NFKB1: variants seen among roughly 807,000 people sequenced by gnomAD.
NFKB1 encodes nuclear factor NF-kappa-B p105 subunit.
Under a neutral mutation model 105.1 loss-of-function variants are expected in NFKB1, and 9 were observed. The observed-to-expected ratio is 0.09, with a 90% CI of 0.05 to 0.15. NFKB1 has a LOEUF of 0.15. Among genes scored for constraint, NFKB1 ranks in the 10% least tolerant of loss-of-function variants. NFKB1 has a pLI of 1.00. For missense variants in NFKB1, 830 were observed against 1,203.7 expected (o/e 0.69, Z 4.59); for synonymous variants, 440 against 442.2 (o/e 1.00, Z 0.06).
At chr4:102,581,553 C>T (rs1201176083) in intron 9 of NFKB1, among the ~76,000 whole-genome samples, 1 of 152,032 alleles carries the variant, frequency 6.6e-6, no homozygotes. Context: ...CTTTGGGAGG[C>T]TGAGGTGGGA....
intron 17 of NFKB1, 52 bp from the exon 18 acceptor site, chr4:102,607,098 T>C: frequency 6.4e-7 from 1 of 1,562,854 alleles, no homozygotes; most frequent in Non-Finnish European, 8.8e-7. Context: ...ACAAGGGCCA[T>C]CTTGTGAGTT....
intron 5 of NFKB1, among the ~76,000 whole-genome samples, chr4:102,549,733 C>T (rs921565439): frequency 1.3e-5 from 2 of 152,076 alleles, no homozygotes; most frequent in South Asian, 2.1e-4. Context: ...TTCCCCTTTC[C>T]GGAATGTGGT....
At chr4:102,607,125 G>T in intron 17 of NFKB1, 25 bp from the exon 18 acceptor site, 2 of 1,613,724 alleles carry the variant, frequency 1.2e-6, no homozygotes, top group South Asian at 2.2e-5. Flanking sequence ...CCCATCCTGT[G>T]ACTGTCCCTT....
chr4:102,526,396 G>A (rs904447969), intron 2 of NFKB1, among the ~76,000 whole-genome samples: 3 of 151,978 alleles, frequency 2.0e-5, no homozygotes, highest in Admixed American at 6.6e-5. Context: ...TACTTAATGG[G>A]TACAATGTAT....
intron 5 of NFKB1, among the ~76,000 whole-genome samples, chr4:102,564,456 C>T (rs1047030178): frequency 4.6e-5 from 7 of 152,150 alleles, no homozygotes; most frequent in African/African-American, 1.2e-4. Context: ...TCCACAAAAC[C>T]CAGGGGGCTC....
At chr4:102,567,729 A>G (rs1013869391) in intron 6 of NFKB1, among the ~76,000 whole-genome samples, 3 of 152,230 alleles carry the variant, frequency 2.0e-5, no homozygotes, top group African/African-American at 7.2e-5. Flanking sequence ...GGGTTGATCA[A>G]ATAAAACAAG....
rs551313342 is a variant in NFKB1 at position 102,613,310 on chromosome 4, T to C, written c.2593-115T>C. ...CTTCTCTGCCCTTTCCATTTCCTCC[T>C]GGCTCCTGAGTGGAGGAGGCAGCAT... On this transcript the variant is annotated intron_variant, in intron 22 of 23. Transcript: ENST00000226574. 1.3e-4 allele frequency: 142 copies of C among 1,061,694 alleles called. 1 individual carries two copies. In the African/African-American group the frequency reaches 1.9e-3, roughly 14 times the overall value. 65.8% of individuals were successfully genotyped at this position (1,061,694 alleles called of 1,614,324 possible).
At chr4:102,548,257 A>G (rs1722289922) in intron 5 of NFKB1, among the ~76,000 whole-genome samples, 1 of 152,114 alleles carries the variant, frequency 6.6e-6, no homozygotes, top group African/African-American at 2.4e-5. Flanking sequence ...TATGAGTTCC[A>G]GGAGGTCACA....
rs891064864 is a variant in NFKB1 at position 102,606,667 on chromosome 4, G to A, written c.1924G>A (p.Ala642Thr). ...TATCTTACTCAAGCACAAAAAGGCA[G>A]CACTACTTCTTGACCACCCCAACGG... ...LSILLKHKKA[A>T]LLLDHPNGDG... is the part of the protein sequence containing the mutation. The change falls in exon 17 of 24, where the codon GCA (alanine) becomes ACA (threonine). Residue 642 changes from alanine (A) to threonine (T), a missense_variant. By Grantham distance (58) the Ala-to-Thr change is moderately conservative. Around this residue, in one of 8 missense-constraint regions of NFKB1, gnomAD observed 418 missense variants for 575.3 expected, o/e 0.73. Coordinates refer to ENST00000226574, the MANE Select transcript of NFKB1 (RefSeq NM_003998.4). 5 of 1,614,056 alleles carry A rather than the reference G, an allele frequency of 3.1e-6. No homozygotes were observed. Among genetic ancestry groups the A allele is most frequent in the Admixed American group, 3.3e-5 (2 of 60,002 alleles).
At chr4:102,596,807 T>C (rs1040994577) in intron 14 of NFKB1, among the ~76,000 whole-genome samples, 8 of 151,968 alleles carry the variant, frequency 5.3e-5, no homozygotes, top group Non-Finnish European at 8.8e-5. Context: ...CCAATACTTA[T>C]TAGCATATGT....
chr4:102,564,828 A>G (rs1723725851), intron 5 of NFKB1, among the ~76,000 whole-genome samples: 1 of 152,168 alleles, frequency 6.6e-6, no homozygotes, highest in African/African-American at 2.4e-5. Flanking sequence ...GCATTACCTC[A>G]TGCCTTGCTC....
chr4:102,511,013 A>AG, intron 1 of NFKB1: 1 of 1,166,510 alleles, frequency 8.6e-7, no homozygotes, highest in African/African-American at 1.6e-5. Context: ...GGAGATGAGG[A>AG]GGGGTGGAGT....
At chr4:102,590,793 G>T (rs1168497359) in intron 11 of NFKB1, among the ~76,000 whole-genome samples, 1 of 152,156 alleles carries the variant, frequency 6.6e-6, no homozygotes, top group Non-Finnish European at 1.5e-5. Flanking sequence ...GAAAGGAAAA[G>T]TCACACCTCT....
In NFKB1 at chr4:102,612,626, A is replaced by C. The variant is rs760314060; in HGVS notation, c.2592+20A>C. ...TATGAGGTAACACCTTACCTTACAG[A>C]TTTAGCAATTTTCATTTGACTTTAC... On this transcript the variant is annotated intron_variant, in intron 22 of 23. Transcript: ENST00000226574. 9 of 1,605,300 alleles carry C rather than the reference A, an allele frequency of 5.6e-6. No individual in the cohort carries two copies. The South Asian group carries it at 9.9e-5, about 18-fold the overall frequency.
intron 15 of NFKB1, 66 bp from the exon 16 acceptor site, chr4:102,600,829 A>T (rs1727084531): frequency 7.3e-6 from 7 of 953,832 alleles, no homozygotes; most frequent in Non-Finnish European, 1.2e-5. Flanking sequence ...GTCTAATCAC[A>T]TCTTGGGAAT....
At chr4:102,554,412 T>C (rs897975992) in intron 5 of NFKB1, among the ~76,000 whole-genome samples, 2 of 152,186 alleles carry the variant, frequency 1.3e-5, no homozygotes, top group Non-Finnish European at 2.9e-5. Flanking sequence ...TCTTCCATTA[T>C]ACCGAAATGA....
chr4:102,610,686 C>T lies in NFKB1; in HGVS notation c.2339C>T (p.Ala780Val), dbSNP rs758127477. ...VVPGTTPLDM[A>V]TSWQVFDILN... ...CCTGGAACCACGCCTCTAGATATGGCCACCAGCTGGCAGGTGAGTGCCGCT... is the reference window on the plus strand; with the variant it reads ...CCTGGAACCACGCCTCTAGATATGGTCACCAGCTGGCAGGTGAGTGCCGCT... Residue 780 changes from alanine to valine, a missense_variant, in exon 20 of 24, where the codon GCC becomes GTC. Ala to Val is a moderately conservative substitution (Grantham distance 64, BLOSUM62 0). Coordinates refer to ENST00000226574, the MANE Select transcript of NFKB1 (RefSeq NM_003998.4). The T allele has an allele frequency of 6.2e-7, 1 of 1,613,916 alleles. No individual in the cohort carries two copies. Among genetic ancestry groups the T allele is most frequent in the Non-Finnish European group, 8.5e-7 (1 of 1,179,860 alleles).
intron 12 of NFKB1, among the ~76,000 whole-genome samples, chr4:102,593,983 C>T (rs573635908): frequency 2.8e-4 from 43 of 152,144 alleles, no homozygotes; most frequent in Non-Finnish European, 5.4e-4. Flanking sequence ...TAAAATCTGC[C>T]ATCAAAGGTT....
intron 23 of NFKB1, among the ~76,000 whole-genome samples, chr4:102,615,661 A>T (rs4648139): frequency 6.6e-6 from 1 of 152,262 alleles, no homozygotes; most frequent in Non-Finnish European, 1.5e-5. Context: ...TATTTTTAGG[A>T]TATCGCATAG....
Sources: gnomAD v4.1 joint callset for allele counts (sites outside exome capture counted in the v4.1 genomes callset) on GRCh38, gnomAD v4.1.1 for gene constraint, gnomAD v4.1.1 regional missense constraint, MANE v1.5 for transcripts, NCBI Gene and HGNC (gene_info 2026-07-23, HGNC 2026-07-21) for gene names.